NCKAP5: variants seen among roughly 807,000 people sequenced by gnomAD.
The protein encoded by NCKAP5 is NCK associated protein 5.
A neutral mutation model predicts 167.0 loss-of-function variants in NCKAP5; 92 were observed. That is an observed-to-expected ratio of 0.55 (90% CI 0.47 to 0.66). The LOEUF (loss-of-function observed/expected upper bound fraction) is 0.66. Ranked by LOEUF, NCKAP5 falls within the 30% of genes least tolerant of loss-of-function variation. NCKAP5 has a pLI of 0.00. For missense variants in NCKAP5, 2,378 were observed against 2,315.0 expected (o/e 1.03, Z -0.56); for synonymous variants, 891 against 877.4 (o/e 1.02, Z -0.27).
At chr2:133,665,730 A>G in the NCKAP5 span, among the ~76,000 whole-genome samples, 1 of 152,202 alleles carries the variant, frequency 6.6e-6, no homozygotes, top group Non-Finnish European at 1.5e-5. Flanking sequence ...AATATCCGCG[A>G]CGTGCGATAA....
At chr2:132,943,630 C>T (rs756146999) in intron 8 of NCKAP5, among the ~76,000 whole-genome samples, 3 of 152,152 alleles carry the variant, frequency 2.0e-5, no homozygotes, top group Non-Finnish European at 4.4e-5. Context: ...TTTTCATTTT[C>T]CCAGTGGAGA....
intron 3 of NCKAP5, among the ~76,000 whole-genome samples, chr2:133,311,990 A>G (rs16823503): frequency 0.24 from 37,126 of 152,124 alleles, 5,228 homozygotes; most frequent in African/African-American, 0.39. Flanking sequence ...CAACTCTGAG[A>G]AAAATTTAGG....
Position 132,785,164 on chromosome 2 carries a change from C to A in NCKAP5, c.1647G>T (p.Lys549Asn). Residue 549 changes from lysine (K) to asparagine (N), a missense_variant, in exon 14 of 20, where the codon AAG (lysine) becomes AAT (asparagine). Coordinates refer to ENST00000409261, the MANE Select transcript of NCKAP5 (RefSeq NM_207363.3). ...GAGGCGTCTGCACACTTGGGCACAG[C>A]TTCATCTCTAAGGGACAGCTGCTGG... ...SCASSCPLEM[K>N]LCPSVQTPQV... The A allele has an allele frequency of 6.2e-7, 1 of 1,601,796 alleles. No individual in the cohort carries two copies. Among genetic ancestry groups the A allele is most frequent in the South Asian group, 1.1e-5 (1 of 88,990 alleles).
chr2:132,721,929 A>C (rs1003636773), intron 19 of NCKAP5, among the ~76,000 whole-genome samples: 1 of 152,248 alleles, frequency 6.6e-6, no homozygotes, highest in African/African-American at 2.4e-5. Flanking sequence ...AAGCTAAAGC[A>C]ATAGAATAAA....
At chr2:133,011,658 A>G (rs1245622772) in intron 6 of NCKAP5, among the ~76,000 whole-genome samples, 1 of 152,236 alleles carries the variant, frequency 6.6e-6, no homozygotes, top group East Asian at 1.9e-4. Context: ...GAGAGCCTTC[A>G]TTATCACACA....
chr2:133,543,246 C>G (rs1264611341), intron 2 of NCKAP5, among the ~76,000 whole-genome samples: 2 of 152,094 alleles, frequency 1.3e-5, no homozygotes, highest in Non-Finnish European at 2.9e-5. Flanking sequence ...ATGTGATATA[C>G]CGGCTCCCCC....
At chr2:133,092,078 C>T (rs922792952) in intron 6 of NCKAP5, among the ~76,000 whole-genome samples, 14 of 152,160 alleles carry the variant, frequency 9.2e-5, no homozygotes, top group African/African-American at 2.9e-4. Flanking sequence ...CAGTTCATGG[C>T]CACCACAGTG....
intron 5 of NCKAP5, among the ~76,000 whole-genome samples, chr2:133,187,415 C>G (rs1441163970): frequency 6.6e-6 from 1 of 152,010 alleles, no homozygotes; most frequent in Non-Finnish European, 1.5e-5. Flanking sequence ...AAAATCCAGG[C>G]ATGCTGGCAT....
intron 7 of NCKAP5, among the ~76,000 whole-genome samples, chr2:132,969,440 C>A (rs1172235211): frequency 6.6e-6 from 1 of 151,896 alleles, no homozygotes. Context: ...GTACAAGCAG[C>A]TCATTTGGGA....
At chr2:132,879,039 A>G in intron 8 of NCKAP5, 123 bp from the exon 9 acceptor site, 4 of 752,808 alleles carry the variant, frequency 5.3e-6, no homozygotes, top group Non-Finnish European at 9.1e-6. Context: ...AGAAGTACCT[A>G]TGACAAGTTC....
intron 3 of NCKAP5, among the ~76,000 whole-genome samples, chr2:133,497,931 C>T (rs1395770879): frequency 6.6e-6 from 1 of 152,120 alleles, no homozygotes; most frequent in Non-Finnish European, 1.5e-5. Flanking sequence ...TAACACAACC[C>T]GCAATGGTGA....
chr2:133,556,096 A>G (rs1687718825), intron 2 of NCKAP5, among the ~76,000 whole-genome samples: 2 of 152,256 alleles, frequency 1.3e-5, no homozygotes, highest in Admixed American at 6.5e-5. Context: ...GGAAGTCAGT[A>G]TGGTGGTTAC....
chr2:132,949,964 G>A (rs762539549), intron 8 of NCKAP5, among the ~76,000 whole-genome samples: 1 of 152,034 alleles, frequency 6.6e-6, no homozygotes, highest in Non-Finnish European at 1.5e-5. Context: ...CATAGTGGTG[G>A]GCACCTGTAA....
intron 5 of NCKAP5, among the ~76,000 whole-genome samples, chr2:133,145,214 A>G (rs2083144543): frequency 6.6e-6 from 1 of 152,068 alleles, no homozygotes; most frequent in Admixed American, 6.6e-5. Context: ...TAGCAGAAAA[A>G]AAAATCTATC....
rs149441547 is a variant in NCKAP5, at chr2:132,932,419, C to T, written c.579+31301G>A. Among the ~76,000 whole-genome samples, 446 of 152,088 alleles carry T rather than the reference C, an allele frequency of 2.9e-3. 1 individual carries two copies. The highest frequency in any genetic ancestry group is 0.01 in the African/African-American group (422 of 41,476). On this transcript the variant is annotated intron_variant, in intron 8 of 19. Coordinates refer to ENST00000409261, the MANE Select transcript of NCKAP5 (RefSeq NM_207363.3). ...CCAAGAGTAAGCATCAAGTTAGAGACAGGGAAAAAGTACAGAGTGAAAAGC... is the reference window on the plus strand; with the variant it reads ...CCAAGAGTAAGCATCAAGTTAGAGATAGGGAAAAAGTACAGAGTGAAAAGC...
chr2:133,271,374 G>C (rs1245252431), intron 4 of NCKAP5, among the ~76,000 whole-genome samples: 2 of 152,044 alleles, frequency 1.3e-5, no homozygotes, highest in Admixed American at 6.6e-5. Flanking sequence ...ACTGCGAAGG[G>C]GAAAAGCTGT....
chr2:132,857,570 A>G (rs1413405913), intron 11 of NCKAP5, among the ~76,000 whole-genome samples: 2 of 152,202 alleles, frequency 1.3e-5, no homozygotes, highest in African/African-American at 4.8e-5. Context: ...GTAGGTTCAA[A>G]TGAGCTTAGT....
intron 11 of NCKAP5, among the ~76,000 whole-genome samples, chr2:132,803,313 A>G (rs1265844183): frequency 6.6e-6 from 1 of 152,208 alleles, no homozygotes; most frequent in Non-Finnish European, 1.5e-5. Flanking sequence ...ATTTTCCCTG[A>G]CAACTTTTAG....
At chr2:132,785,761 G>A (rs753361525) in intron 13 of NCKAP5, 43 bp from the exon 14 acceptor site, 1 of 1,394,518 alleles carries the variant, frequency 7.2e-7, no homozygotes, top group Non-Finnish European at 9.4e-7. Flanking sequence ...GAACCATGTA[G>A]ATCACAAAGA....
Sources: gnomAD v4.1 joint callset for allele counts (sites outside exome capture counted in the v4.1 genomes callset) on GRCh38, gnomAD v4.1.1 for gene constraint, MANE v1.5 for transcripts, NCBI Gene and HGNC (gene_info 2026-07-23, HGNC 2026-07-21) for gene names.